Variants in FBXL13 observed in about 807,000 individuals in gnomAD.
FBXL13 encodes F-box and leucine-rich repeat protein 13.
In FBXL13, 67 loss-of-function variants were observed where a neutral mutation model predicts 83.6. The ratio of observed to expected loss-of-function variants is 0.80; its 90% CI spans 0.66 to 0.98. FBXL13 has a LOEUF of 0.98. Ranked by LOEUF, FBXL13 falls within the 50% of genes least tolerant of loss-of-function variation. The pLI is 0.00. For synonymous variants in FBXL13, 272 were observed against 299.5 expected (o/e 0.91, Z 0.95); for missense variants, 822 against 866.5 (o/e 0.95, Z 0.64).
chr7:103,000,878 A>G (rs1383566098), intron 6 of FBXL13, among the ~76,000 whole-genome samples: 1 of 152,094 alleles, frequency 6.6e-6, no homozygotes, highest in Non-Finnish European at 1.5e-5. Context: ...ACTTGCATCT[A>G]TTATATCTGA....
At chr7:102,940,514 TGTA>T (rs1165984063) in intron 8 of FBXL13, among the ~76,000 whole-genome samples, 2 of 152,154 alleles carry the variant, frequency 1.3e-5, no homozygotes, top group Non-Finnish European at 2.9e-5. Context: ...CTGGCCTAAA[TGTA>T]GTGATTTTTA....
At chr7:102,960,031 G>C (rs1348698338) in intron 8 of FBXL13, among the ~76,000 whole-genome samples, 1 of 152,022 alleles carries the variant, frequency 6.6e-6, no homozygotes, top group Non-Finnish European at 1.5e-5. Context: ...AATAACATTG[G>C]ATGCCTTTGA....
intron 11 of FBXL13, among the ~76,000 whole-genome samples, chr7:102,895,310 G>A (rs1812120816): frequency 6.6e-6 from 1 of 152,160 alleles, no homozygotes; most frequent in Admixed American, 6.5e-5. Context: ...GGATGTCCAG[G>A]CAGAGGGCAA....
In FBXL13 at chr7:102,963,623, T is replaced by C. The variant is rs866017965; in HGVS notation, c.634A>G (p.Ile212Val). The change falls in exon 8 of 20, where the codon ATA (isoleucine) becomes GTA (valine). Residue 212 changes from isoleucine (I) to valine (V), a missense_variant. Physicochemically the swap from Ile to Val is conservative, Grantham distance 29 (BLOSUM62 3). Transcript: ENST00000313221. ...CGCCACCTTTGCAAAGTAGACACTA[T>C]ATATTTATCTGGAATCACATTTTTC... The C allele has an allele frequency of 3.1e-6, 5 of 1,607,504 alleles. No homozygotes were observed. The highest frequency in any genetic ancestry group is 4.2e-6 in the Non-Finnish European group (5 of 1,178,460).
intron 11 of FBXL13, among the ~76,000 whole-genome samples, chr7:102,886,716 C>T (rs1810846461): frequency 6.6e-6 from 1 of 152,142 alleles, no homozygotes; most frequent in African/African-American, 2.4e-5. Flanking sequence ...GTATGAATGG[C>T]TTCTGAGAAC....
intron 8 of FBXL13, among the ~76,000 whole-genome samples, chr7:102,932,285 CATTTT>C (rs940042743): frequency 3.9e-5 from 6 of 152,124 alleles, no homozygotes; most frequent in Non-Finnish European, 5.9e-5. Flanking sequence ...TTTCATTTAA[CATTTT>C]ATTATGAACA....
At chr7:103,022,026 C>T (rs1793241285) in intron 6 of FBXL13, among the ~76,000 whole-genome samples, 1 of 152,266 alleles carries the variant, frequency 6.6e-6, no homozygotes, top group South Asian at 2.1e-4. Flanking sequence ...AAGACACATG[C>T]ACACGTATGT....
At chr7:102,989,595 T>G (rs1291785741) in intron 6 of FBXL13, among the ~76,000 whole-genome samples, 1 of 152,244 alleles carries the variant, frequency 6.6e-6, no homozygotes, top group East Asian at 1.9e-4. Flanking sequence ...TGCATCCTGG[T>G]CTGCTCTCAG....
chr7:102,886,540 T>G (rs1810817099), intron 11 of FBXL13, among the ~76,000 whole-genome samples: 1 of 152,240 alleles, frequency 6.6e-6, no homozygotes, highest in Non-Finnish European at 1.5e-5. Flanking sequence ...TAGACCAGTT[T>G]CTTGTTATAT....
At chr7:102,949,381 C>G (rs1175424634) in intron 8 of FBXL13, among the ~76,000 whole-genome samples, 1 of 151,982 alleles carries the variant, frequency 6.6e-6, no homozygotes, top group Non-Finnish European at 1.5e-5. Context: ...AGGTATTAAG[C>G]CTAGTACATG....
chr7:102,913,172 G>A (rs370558905), exon 11 of FBXL13: 34 of 1,613,994 alleles, frequency 2.1e-5, no homozygotes, highest in African/African-American at 8.0e-5. Flanking sequence ...TCTGTGAACC[G>A]TCTGCAATAA....
intron 6 of FBXL13, chr7:102,987,899 G>A (rs532182503): frequency 1.3e-5 from 2 of 152,280 alleles, no homozygotes; most frequent in South Asian, 4.1e-4. Context: ...AAATATTCCA[G>A]TGGAGTTACC....
chr7:102,888,907 A>T (rs1334602952), intron 11 of FBXL13, among the ~76,000 whole-genome samples: 1 of 152,188 alleles, frequency 6.6e-6, no homozygotes, highest in Admixed American at 6.5e-5. Flanking sequence ...GCTTATAACA[A>T]AAAGTAGCTC....
At chr7:102,868,958 G>C (rs1399512413) in intron 16 of FBXL13, among the ~76,000 whole-genome samples, 3 of 152,158 alleles carry the variant, frequency 2.0e-5, no homozygotes, top group African/African-American at 7.2e-5. Flanking sequence ...ATGAACCTCT[G>C]TGCCTGGCTT....
chr7:102,930,581 G>T lies in FBXL13; in HGVS notation c.777+1300C>A, dbSNP rs75043742. On this transcript the variant is annotated intron_variant, in intron 9 of 19. Coordinates refer to ENST00000313221, the Ensembl canonical transcript of FBXL13. ...CTGATTCTCAAATCTACAATGCATT[G>T]TTCAGTCCTTTTCTTACCTGTTCAC... Among the ~76,000 whole-genome samples, 682 of 152,284 alleles carry T rather than the reference G, an allele frequency of 4.5e-3. 8 individuals are homozygous for T. Among genetic ancestry groups the T allele is most frequent in the African/African-American group, 0.015 (630 of 41,550 alleles).
At chr7:102,873,464 C>A (rs1289322211) in intron 16 of FBXL13, among the ~76,000 whole-genome samples, 6 of 152,312 alleles carry the variant, frequency 3.9e-5, no homozygotes, top group South Asian at 4.1e-4. Context: ...CCCAACTGTG[C>A]TGACTTTGCT....
intron 8 of FBXL13, chr7:102,944,307 G>C: frequency 6.2e-7 from 1 of 1,613,484 alleles, no homozygotes; most frequent in Non-Finnish European, 8.5e-7. Context: ...TGTATTTTTT[G>C]AAACTCTTGT....
At chr7:103,003,356 C>G (rs542617211) in intron 6 of FBXL13, among the ~76,000 whole-genome samples, 1 of 131,298 alleles carries the variant, frequency 7.6e-6, no homozygotes, top group African/African-American at 2.9e-5. Flanking sequence ...GGTGTGATCT[C>G]GGCTCACTGC....
At chr7:102,944,519 A>G (rs1437423043) in intron 8 of FBXL13, 1 of 1,613,974 alleles carries the variant, frequency 6.2e-7, no homozygotes, top group Non-Finnish European at 8.5e-7. Context: ...GAGTCATTTG[A>G]CCAAGACACA....
Sources: allele counts gnomAD v4.1 joint callset (sites outside exome capture counted in the v4.1 genomes callset), GRCh38; gene constraint gnomAD v4.1.1; transcripts MANE v1.5; gene names NCBI Gene and HGNC (gene_info 2026-07-23, HGNC 2026-07-21).